Variants in LCORL observed in about 807,000 individuals in gnomAD.
LCORL encodes ligand-dependent nuclear receptor corepressor-like protein.
Under a neutral mutation model 141.8 loss-of-function variants are expected in LCORL, and 41 were observed. That is an observed-to-expected ratio of 0.29 (90% CI 0.23 to 0.38). The LOEUF (loss-of-function observed/expected upper bound fraction) is 0.38, where lower values mean the gene tolerates loss of function less well. Ranked by LOEUF, LCORL falls within the 10% of genes least tolerant of loss-of-function variation. LCORL has a pLI of 1.00. For missense variants in LCORL, 1,759 were observed against 2,035.0 expected (o/e 0.86, Z 2.61); for synonymous variants, 618 against 694.1 (o/e 0.89, Z 1.72).
intron 1 of LCORL, among the ~76,000 whole-genome samples, chr4:18,001,834 A>T (rs567563804): frequency 6.6e-6 from 1 of 152,360 alleles, no homozygotes; most frequent in East Asian, 1.9e-4. Flanking sequence ...TAACAGGTTC[A>T]TTAAAATAAA....
intron 7 of LCORL, among the ~76,000 whole-genome samples, chr4:17,865,534 A>C (rs1301660940): frequency 1.3e-5 from 2 of 152,200 alleles, no homozygotes; most frequent in Non-Finnish European, 2.9e-5. Flanking sequence ...AAAAAATCAC[A>C]AGAGAAATTA....
At chr4:17,890,176 T>C (rs1728877455) in intron 5 of LCORL, among the ~76,000 whole-genome samples, 1 of 152,140 alleles carries the variant, frequency 6.6e-6, no homozygotes, top group Non-Finnish European at 1.5e-5. Context: ...AATAATTCTC[T>C]AAGATAAACT....
chr4:17,920,881 T>A (rs911913825), intron 4 of LCORL, among the ~76,000 whole-genome samples: 1 of 152,244 alleles, frequency 6.6e-6, no homozygotes, highest in Non-Finnish European at 1.5e-5. Context: ...GTTCTCTTGC[T>A]GTTTCTACCA....
chr4:17,859,206 C>CTAGCTGTAGGCAATGGG (rs1225257453), intron 7 of LCORL, among the ~76,000 whole-genome samples: 1 of 152,028 alleles, frequency 6.6e-6, no homozygotes, highest in Non-Finnish European at 1.5e-5. Context: ...ACGGTTTTGC[C>CTAGCTGTAGGCAATGGG]TAGCTGTAGG....
At chr4:18,006,789 T>C (rs1359658988) in intron 1 of LCORL, among the ~76,000 whole-genome samples, 3 of 152,160 alleles carry the variant, frequency 2.0e-5, no homozygotes, top group African/African-American at 4.8e-5. Flanking sequence ...CAGGTGGGAA[T>C]TGTGGGAGTT....
chr4:17,948,600 A>G (rs1203689163), intron 4 of LCORL, among the ~76,000 whole-genome samples: 2 of 152,024 alleles, frequency 1.3e-5, no homozygotes, highest in Admixed American at 6.6e-5. Flanking sequence ...AGGACTAGCA[A>G]TGCAGATTTT....
chr4:17,846,939 A>T (rs959085988), intron 7 of LCORL, among the ~76,000 whole-genome samples: 12 of 152,226 alleles, frequency 7.9e-5, no homozygotes, highest in Admixed American at 7.9e-4. Flanking sequence ...AAGGATGGTA[A>T]CATTCTTTTC....
Position 17,884,637 on chromosome 4 carries a change from C to G in LCORL, c.776+1431G>C. 2 of 1,547,252 alleles carry G rather than the reference C, an allele frequency of 1.3e-6. No individual in the cohort carries two copies. Among genetic ancestry groups the G allele is most frequent in the Admixed American group, 2.0e-5 (1 of 50,118 alleles). ...TTTTGAGGTATGCCATAAAGTATGC[C>G]TGCTTTATTTATGTCCAGTGCTCCA... On this transcript the variant is annotated intron_variant, in intron 6 of 7. Coordinates refer to ENST00000635767, the Ensembl canonical transcript of LCORL. This position sits in a 1 kb window ranked among gnomAD's most constrained non-coding sequence, Gnocchi z 4.4.
chr4:17,943,136 C>T (rs577534129), intron 4 of LCORL, among the ~76,000 whole-genome samples: 1 of 152,290 alleles, frequency 6.6e-6, no homozygotes, highest in East Asian at 1.9e-4. Context: ...ATTTTGTCTT[C>T]AGTTTCAACA....
chr4:18,009,944 C>T (rs1445105548), intron 1 of LCORL, among the ~76,000 whole-genome samples: 1 of 152,110 alleles, frequency 6.6e-6, no homozygotes, highest in Non-Finnish European at 1.5e-5. Flanking sequence ...GGATACCTAC[C>T]CTTGTTTTCT....
chr4:17,853,490 CAG>C (rs1275646258), intron 7 of LCORL, among the ~76,000 whole-genome samples: 5 of 152,086 alleles, frequency 3.3e-5, no homozygotes, highest in Non-Finnish European at 7.4e-5. Context: ...TGAGAGCTAA[CAG>C]AGTATTCTTT....
intron 1 of LCORL, among the ~76,000 whole-genome samples, chr4:18,000,417 T>C (rs1423073513): frequency 6.6e-6 from 1 of 152,202 alleles, no homozygotes; most frequent in East Asian, 1.9e-4. Context: ...AAGTGAAATC[T>C]AGACAACTAA....
chr4:17,878,775 A>G (rs1727189459), intron 6 of LCORL, among the ~76,000 whole-genome samples: 1 of 151,322 alleles, frequency 6.6e-6, no homozygotes, highest in African/African-American at 2.4e-5. Flanking sequence ...AGCTATTTAA[A>G]AATAAAATCT....
At position 17,900,837 on chromosome 4, in the gene LCORL, AAGTG is replaced by A. The variant is rs1273235804; in HGVS notation, c.682+8253_682+8256del. 9.8e-5 allele frequency among the ~76,000 whole-genome samples: 15 copies of A among 152,326 alleles called. No homozygotes were observed. In the Middle Eastern group the frequency reaches 0.01, roughly 104 times the overall value. On this transcript the variant is annotated intron_variant, in intron 5 of 7. Transcript: ENST00000635767. ...CTAAATGGATTTTGACAGGAAATAA[AAGTG>A]AGAGTAAAAATATATTTGAACAGAT...
intron 5 of LCORL, among the ~76,000 whole-genome samples, chr4:17,889,172 C>A (rs1161882889): frequency 6.6e-6 from 1 of 151,996 alleles, no homozygotes; most frequent in Non-Finnish European, 1.5e-5. Context: ...CCAACTATAG[C>A]GCATTTTAAT....
intron 4 of LCORL, among the ~76,000 whole-genome samples, chr4:17,951,986 GA>G (rs1739793358): frequency 6.6e-6 from 1 of 152,128 alleles, no homozygotes; most frequent in South Asian, 2.1e-4. Flanking sequence ...AGTTACTCAA[GA>G]AAACTGGGAA....
At chr4:17,864,504 C>A (rs1041774607) in intron 7 of LCORL, among the ~76,000 whole-genome samples, 2 of 152,044 alleles carry the variant, frequency 1.3e-5, no homozygotes, top group Non-Finnish European at 2.9e-5. Context: ...ACCTGGCCAG[C>A]AACCACTTTT....
intron 1 of LCORL, among the ~76,000 whole-genome samples, chr4:17,987,465 TG>T (rs1430028032): frequency 6.6e-6 from 1 of 152,202 alleles, no homozygotes; most frequent in African/African-American, 2.4e-5. Flanking sequence ...TGCTAGCTAA[TG>T]AAACTTTGGG....
chr4:18,003,153 T>C (rs1722244258), intron 1 of LCORL, among the ~76,000 whole-genome samples: 1 of 152,194 alleles, frequency 6.6e-6, no homozygotes, highest in Non-Finnish European at 1.5e-5. Context: ...CTTTTGTCGT[T>C]GGTGCAGAAG....
Sources: gnomAD v4.1 joint callset for allele counts (sites outside exome capture counted in the v4.1 genomes callset) on GRCh38, gnomAD v4.1.1 for gene constraint, Gnocchi (gnomAD v3.1) non-coding constraint, MANE v1.5 for transcripts, NCBI Gene and HGNC (gene_info 2026-07-23, HGNC 2026-07-21) for gene names.